Variants in DYRK1A observed in about 807,000 individuals in gnomAD.
DYRK1A encodes the protein dual specificity tyrosine-phosphorylation-regulated kinase 1A.
A neutral mutation model predicts 79.7 loss-of-function variants in DYRK1A; 9 were observed. The observed-to-expected ratio is 0.11, with a 90% CI of 0.07 to 0.20. The LOEUF is 0.20. DYRK1A is among the 10% of genes least tolerant of loss of function. DYRK1A has a pLI of 1.00. For missense variants in DYRK1A, 622 were observed against 956.0 expected, an observed-to-expected ratio of 0.65 and a Z score of 4.61; for synonymous variants, 349 against 329.7, an observed-to-expected ratio of 1.06 and a Z score of -0.63.
At chr21:37,395,660 T>A (rs1383921476) in intron 1 of DYRK1A, among the ~76,000 whole-genome samples, 2 of 152,228 alleles carry the variant, frequency 1.3e-5, no homozygotes, top group Admixed American at 1.3e-4. Context: ...GTACCTGCCC[T>A]GCATTATCTG....
chr21:37,445,758 C>T, intron 2 of DYRK1A, among the ~76,000 whole-genome samples: 1 of 152,264 alleles, frequency 6.6e-6, no homozygotes, highest in Non-Finnish European at 1.5e-5. Flanking sequence ...AAGCCCAGCA[C>T]CCTCTATATA....
chr21:37,502,799 G>A (rs928577679), intron 9 of DYRK1A: 1 of 152,162 alleles, frequency 6.6e-6, no homozygotes, highest in South Asian at 2.1e-4. Context: ...AAGCTATCCC[G>A]ATAAATTCTC....
At chr21:37,469,793 C>T (rs1323591074) in intron 2 of DYRK1A, among the ~76,000 whole-genome samples, 1 of 152,160 alleles carries the variant, frequency 6.6e-6, no homozygotes, top group Non-Finnish European at 1.5e-5. Flanking sequence ...CTACCGGGGC[C>T]CTCCTCCAAT....
intron 1 of DYRK1A, chr21:37,419,358 A>T (rs1418164925): frequency 6.6e-6 from 1 of 152,202 alleles, no homozygotes; most frequent in Non-Finnish European, 1.5e-5. Flanking sequence ...AGAGGGTGCT[A>T]ACAAAGGAAA....
At chr21:37,389,435 G>A (rs2148383748) in intron 1 of DYRK1A, among the ~76,000 whole-genome samples, 1 of 152,242 alleles carries the variant, frequency 6.6e-6, no homozygotes, top group African/African-American at 2.4e-5. Context: ...CAAAGTGCTT[G>A]GAATACAGGT....
intron 2 of DYRK1A, among the ~76,000 whole-genome samples, chr21:37,427,784 A>G (rs1215376827): frequency 2.0e-5 from 3 of 152,148 alleles, no homozygotes; most frequent in Non-Finnish European, 4.4e-5. Context: ...GGTATTTTAA[A>G]ATGTTTGCCA....
chr21:37,400,526 T>C (rs1419293170), intron 1 of DYRK1A, among the ~76,000 whole-genome samples: 1 of 152,226 alleles, frequency 6.6e-6, no homozygotes, highest in Non-Finnish European at 1.5e-5. Flanking sequence ...AACTTTTTAG[T>C]GTTAACTTGA....
At chr21:37,462,587 G>T (rs934182907) in intron 2 of DYRK1A, among the ~76,000 whole-genome samples, 1 of 152,152 alleles carries the variant, frequency 6.6e-6, no homozygotes, top group African/African-American at 2.4e-5. Flanking sequence ...CAGTGCTTGT[G>T]CAGCTTAGCA....
At chr21:37,489,018 TTG>T (rs896772597) in intron 6 of DYRK1A, among the ~76,000 whole-genome samples, 2 of 152,180 alleles carry the variant, frequency 1.3e-5, no homozygotes, top group Admixed American at 6.5e-5. Flanking sequence ...GTTATTTTTA[TTG>T]TGTTACTTAT....
rs58947386 is a variant in DYRK1A, at chr21:37,519,736, G to GTTTTTTTTGTTTTTT, written c.*7213_*7214insGTTTTTTTTTTTTTT. The GTTTTTTTTGTTTTTT allele has an allele frequency of 2.4e-4, 21 of 85,802 alleles. No homozygotes were observed. The highest frequency in any genetic ancestry group is 9.7e-4 in the African/African-American group (20 of 20,614). The allele number at this position is 85,802 out of a possible 1,614,324, so 5.3% of individuals were successfully genotyped here. ...AGAGTTTTGAGGTTTGTTGTGGGAA[G>GTTTTTTTTGTTTTTT]TTTTTTTTTTTTTTTTTTTTTTTGA... On this transcript the variant is annotated 3_prime_UTR_variant, in exon 12 of 12. Coordinates refer to ENST00000647188, the MANE Select transcript of DYRK1A (RefSeq NM_001347721.2).
At chr21:37,430,228 A>G (rs998585981) in intron 2 of DYRK1A, 53 of 913,760 alleles carry the variant, frequency 5.8e-5, no homozygotes, top group African/African-American at 3.6e-4. Context: ...TCACTTACAC[A>G]TCTTTCTTTC....
chr21:37,469,941 C>T (rs948785532), intron 2 of DYRK1A, among the ~76,000 whole-genome samples: 5 of 152,068 alleles, frequency 3.3e-5, no homozygotes, highest in Admixed American at 6.5e-5. Context: ...GTCAGGAGAT[C>T]GAGACCATCC....
intron 1 of DYRK1A, among the ~76,000 whole-genome samples, chr21:37,411,530 A>G (rs1252285454): frequency 6.6e-6 from 1 of 152,168 alleles, no homozygotes; most frequent in African/African-American, 2.4e-5. Context: ...GAAATTGTAT[A>G]TTCAGTTTAG....
chr21:37,389,702 G>C (rs1043612024), intron 1 of DYRK1A, among the ~76,000 whole-genome samples: 3 of 152,028 alleles, frequency 2.0e-5, no homozygotes, highest in Non-Finnish European at 4.4e-5. Context: ...AGCTCTTTGC[G>C]AGGGTGAGGC....
At chr21:37,398,046 A>T (rs935525072) in intron 1 of DYRK1A, among the ~76,000 whole-genome samples, 8 of 140,324 alleles carry the variant, frequency 5.7e-5, no homozygotes, top group Non-Finnish European at 1.2e-4. Context: ...CAGCCTGGGA[A>T]CATAGCAAGA....
At chr21:37,418,665 A>C (rs1158700226) in intron 1 of DYRK1A, among the ~76,000 whole-genome samples, 1 of 152,230 alleles carries the variant, frequency 6.6e-6, no homozygotes, top group East Asian at 1.9e-4. Flanking sequence ...AAAAATTATT[A>C]GAAAATGATG....
chr21:37,431,348 T>C (rs1455894025), intron 2 of DYRK1A, among the ~76,000 whole-genome samples: 2 of 152,244 alleles, frequency 1.3e-5, no homozygotes, highest in Admixed American at 6.5e-5. Context: ...TCTGGTAGTA[T>C]GTTTTAAGAG....
chr21:37,459,959 A>G (rs2051783773), intron 2 of DYRK1A, among the ~76,000 whole-genome samples: 1 of 152,186 alleles, frequency 6.6e-6, no homozygotes, highest in Non-Finnish European at 1.5e-5. Flanking sequence ...GTCAAGTGCC[A>G]ATTAAGTCAG....
chr21:37,493,933 C>CTT (rs35158368), intron 8 of DYRK1A, among the ~76,000 whole-genome samples: 45,760 of 113,828 alleles, frequency 0.4, 9,582 homozygotes, highest in East Asian at 0.53. Context: ...TTTAATTCTT[C>CTT]TTTTTTTTTT....
Sources: allele counts gnomAD v4.1 joint callset (sites outside exome capture counted in the v4.1 genomes callset), GRCh38; gene constraint gnomAD v4.1.1; transcripts MANE v1.5; gene names NCBI Gene and HGNC (gene_info 2026-07-23, HGNC 2026-07-21).